Variants in HPS1 observed in about 807,000 individuals in gnomAD.
HPS1 encodes BLOC-3 complex member HPS1.
A neutral mutation model predicts 90.6 loss-of-function variants in HPS1; 59 were observed. The observed-to-expected ratio is 0.65, with a 90% CI of 0.53 to 0.81. HPS1 has a LOEUF of 0.81. Among genes scored for constraint, HPS1 ranks in the 30% least tolerant of loss-of-function variants. HPS1 has a pLI of 0.00. For missense variants in HPS1, 849 were observed against 896.7 expected, an observed-to-expected ratio of 0.95 and a Z score of 0.68; for synonymous variants, 388 against 384.4, an observed-to-expected ratio of 1.01 and a Z score of -0.11.
At chr10:98,432,068 T>C (rs1432593028) in intron 6 of HPS1, among the ~76,000 whole-genome samples, 2 of 152,252 alleles carry the variant, frequency 1.3e-5, no homozygotes, top group Admixed American at 6.5e-5. Flanking sequence ...GATCTAAATA[T>C]AGAGTTTTCC....
rs281865077 is a variant in HPS1, at chr10:98,435,267, C to G, written c.398+5G>C. ...GGACAGAGGGGACCAGCTTTGAAGA[C>G]TCACTCCTTTCGGATAAGATGACCG... On this transcript the variant is annotated splice_donor_5th_base_variant and intron_variant, in intron 5 of 19. Transcript: ENST00000361490. The surrounding 1 kb of genome is among the most constrained non-coding windows in gnomAD (Gnocchi z 4.3). The G allele has an allele frequency of 6.2e-7, 1 of 1,614,050 alleles. No individual in the cohort carries two copies. Among genetic ancestry groups the G allele is most frequent in the South Asian group, 1.1e-5 (1 of 91,078 alleles).
Position 98,434,096 on chromosome 10 carries a change from G to A in HPS1, c.399-5C>T, listed in dbSNP as rs765780669. ...GCCAGGTCTGGGGGCCGCAGCCTGG[G>A]GGCAGAGCCAGAGAGGGCGGGAGAG... On this transcript the variant is annotated splice_region_variant and splice_polypyrimidine_tract_variant and intron_variant, in intron 5 of 19. Coordinates refer to ENST00000361490, the MANE Select transcript of HPS1 (RefSeq NM_000195.5). The A allele has an allele frequency of 3.2e-6, 5 of 1,548,512 alleles. No individual in the cohort carries two copies.
At chr10:98,420,230 A>T in intron 17 of HPS1, 72 bp from the exon 18 acceptor site, 2 of 1,103,616 alleles carry the variant, frequency 1.8e-6, no homozygotes, top group African/African-American at 1.5e-5. Context: ...CCTCCGAAGG[A>T]AGGAAAGGGC....
intron 3 of HPS1, among the ~76,000 whole-genome samples, chr10:98,441,072 T>C (rs1938329782): frequency 6.6e-6 from 1 of 152,134 alleles, no homozygotes. Flanking sequence ...CTCCCTGAGG[T>C]GGAGTCAGCT....
intron 1 of HPS1, among the ~76,000 whole-genome samples, chr10:98,446,154 C>A (rs1436393262): frequency 6.7e-6 from 1 of 150,272 alleles, no homozygotes; most frequent in Admixed American, 6.6e-5. Flanking sequence ...CAGTAAGAGG[C>A]AAGTGACTAC....
chr10:98,419,997 G>A (rs775413169), intron 18 of HPS1, 48 bp downstream of exon 18: 35 of 1,095,684 alleles, frequency 3.2e-5, no homozygotes, highest in South Asian at 8.7e-5. Context: ...GTTACAGAGC[G>A]GGAAGTGTGT....
At chr10:98,424,922 C>T (rs921586966) in intron 13 of HPS1, among the ~76,000 whole-genome samples, 2 of 152,218 alleles carry the variant, frequency 1.3e-5, no homozygotes, top group Non-Finnish European at 2.9e-5. Flanking sequence ...TGGGTCCCAG[C>T]TCCTCAAACA....
chr10:98,440,892 C>T (rs940248917), intron 3 of HPS1, among the ~76,000 whole-genome samples: 6 of 152,014 alleles, frequency 3.9e-5, no homozygotes. Flanking sequence ...AGTTTAAAAA[C>T]TGAAATATTT....
At chr10:98,433,825 C>T (rs1186834843) in intron 6 of HPS1, 158 bp downstream of exon 6, 2 of 1,044,476 alleles carry the variant, frequency 1.9e-6, no homozygotes, top group Non-Finnish European at 2.8e-6. Flanking sequence ...GGGTACCCAA[C>T]CCTCCATATG....
intron 19 of HPS1, 173 bp downstream of exon 19, chr10:98,418,002 C>T (rs2136081910): frequency 1.6e-6 from 1 of 635,160 alleles, no homozygotes; most frequent in East Asian, 2.7e-5. Flanking sequence ...CAGATGTACC[C>T]TCCACACCCG....
rs762366571 is a variant in HPS1 at position 98,417,567 on chromosome 10, G to A, written c.2100C>T (p.Leu700=). The A allele has an allele frequency of 6.2e-7, 1 of 1,610,424 alleles. No individual in the cohort carries two copies. The highest frequency in any genetic ancestry group is 8.5e-7 in the Non-Finnish European group (1 of 1,179,018). ...RLWEASRIPL[L] is the part of the protein sequence containing the mutation. The stretch of plus-strand genomic sequence containing the variant: ...GGCAGACTGCGGCCACCTTGGCCTA[G>A]AGCAGGGGGATACGGGAGGCCTCCC... Residue 700 remains leucine (L), a synonymous_variant, in exon 20 of 20, where the codon CTC becomes CTT. Transcript: ENST00000361490. The surrounding 1 kb of genome is among the most constrained non-coding windows in gnomAD (Gnocchi z 4.2).
At chr10:98,446,142 G>A (rs1181215884) in intron 1 of HPS1, among the ~76,000 whole-genome samples, 1 of 150,292 alleles carries the variant, frequency 6.7e-6, no homozygotes, top group Non-Finnish European at 1.5e-5. Flanking sequence ...AGCACTGTGA[G>A]CCAGTAAGAG....
At chr10:98,432,724 C>CT (rs1186909412) in intron 6 of HPS1, among the ~76,000 whole-genome samples, 1 of 151,982 alleles carries the variant, frequency 6.6e-6, no homozygotes, top group African/African-American at 2.4e-5. Flanking sequence ...TATTCTATAC[C>CT]TAATAGTTCC....
downstream of HPS1, among the ~76,000 whole-genome samples, chr10:98,415,777 C>T (rs1055553075): frequency 6.6e-5 from 10 of 152,244 alleles, no homozygotes; most frequent in African/African-American, 2.4e-4. Context: ...AAACACAAAC[C>T]CACAACGAGG....
At chr10:98,414,739 TC>T, downstream of HPS1, 1 of 425,828 alleles carries the variant, frequency 2.3e-6, no homozygotes, top group Non-Finnish European at 4.2e-6. Context: ...CACCTAGTCT[TC>T]CTGTCATTCT....
At chr10:98,433,838 C>T in intron 6 of HPS1, 145 bp downstream of exon 6, 1 of 1,226,738 alleles carries the variant, frequency 8.2e-7, no homozygotes, top group Non-Finnish European at 1.1e-6. Context: ...TCCATATGGC[C>T]AGAAAGAACA....
At chr10:98,443,652 G>A (rs149953811) in intron 2 of HPS1, among the ~76,000 whole-genome samples, 26 of 152,324 alleles carry the variant, frequency 1.7e-4, no homozygotes, top group South Asian at 1.4e-3. Context: ...CCATGCTCAC[G>A]GCAGCCAGTT....
chr10:98,429,269 T>G, intron 10 of HPS1: 1 of 1,235,284 alleles, frequency 8.1e-7, no homozygotes, highest in South Asian at 1.8e-5. Context: ...AAATTTAACT[T>G]AATTTTTAAT....
chr10:98,422,550 C>A (rs763514600), intron 16 of HPS1, 37 bp from the exon 17 acceptor site: 14 of 1,609,690 alleles, frequency 8.7e-6, no homozygotes, highest in Non-Finnish European at 1.2e-5. Flanking sequence ...AAGCCAGGAG[C>A]TAGGGACGGC....
Sources: gnomAD v4.1 joint callset for allele counts (sites outside exome capture counted in the v4.1 genomes callset) on GRCh38, gnomAD v4.1.1 for gene constraint, Gnocchi (gnomAD v3.1) non-coding constraint, MANE v1.5 for transcripts, NCBI Gene and HGNC (gene_info 2026-07-23, HGNC 2026-07-21) for gene names.